WDR49: variants seen among roughly 807,000 people sequenced by gnomAD.
WDR49 encodes WD repeat domain 49.
A neutral mutation model predicts 119.5 loss-of-function variants in WDR49; 107 were observed. That is an observed-to-expected ratio of 0.90 (90% CI 0.77 to 1.05). The LOEUF (loss-of-function observed/expected upper bound fraction) is 1.05. Ranked by LOEUF, WDR49 falls within the 50% of genes least tolerant of loss-of-function variation. The pLI, the probability that WDR49 is intolerant of heterozygous loss-of-function variation, is 0.00. For synonymous variants in WDR49, 425 were observed against 418.8 expected (o/e 1.01, Z -0.18); for missense variants, 1,240 against 1,220.5 (o/e 1.02, Z -0.24).
chr3:167,559,995 A>T (rs1284858884), intron 9 of WDR49, 69 bp downstream of exon 9: 10 of 1,533,074 alleles, frequency 6.5e-6, no homozygotes, highest in Non-Finnish European at 8.8e-6. Context: ...GAATATCTAT[A>T]GCCATGTCTT....
chr3:167,621,558 C>A lies in WDR49; in HGVS notation c.692G>T (p.Gly231Val), dbSNP rs1468567216. 4 of 1,535,494 alleles carry A rather than the reference C, an allele frequency of 2.6e-6. No individual in the cohort carries two copies. Among genetic ancestry groups the A allele is most frequent in the Admixed American group, 2.0e-5 (1 of 50,968 alleles). ...EEFACQYKLQ[G>V]LKGTPICMDY... ...CATGCAAATTGGTGTTCCTTTCAGG[C>A]CTTGGAGTTTGTATTGGCAAGCAAA... The change falls in exon 4 of 19, where the codon GGC becomes GTC. Residue 231 changes from glycine to valine, a missense_variant. Coordinates refer to ENST00000682715, the MANE Select transcript of WDR49 (RefSeq NM_001366157.1).
intron 5 of WDR49, among the ~76,000 whole-genome samples, chr3:167,606,174 T>A (rs1716053880): frequency 6.6e-6 from 1 of 152,192 alleles, no homozygotes. Flanking sequence ...TATTTTATAC[T>A]CTAGAGAGTA....
intron 7 of WDR49, among the ~76,000 whole-genome samples, chr3:167,601,063 TAG>T (rs1715745904): frequency 6.6e-6 from 1 of 151,992 alleles, no homozygotes; most frequent in African/African-American, 2.4e-5. Context: ...AGTCTGAAAA[TAG>T]AGAGATATAT....
chr3:167,519,647 G>A (rs1752355145), intron 16 of WDR49, among the ~76,000 whole-genome samples: 2 of 152,044 alleles, frequency 1.3e-5, no homozygotes, highest in South Asian at 2.1e-4. Flanking sequence ...GGTGGGGGAT[G>A]GGGGAGGGGG....
intron 17 of WDR49, among the ~76,000 whole-genome samples, chr3:167,501,253 G>A (rs879754849): frequency 1.6e-4 from 24 of 152,292 alleles, no homozygotes; most frequent in Admixed American, 4.6e-4. Flanking sequence ...GTAAGGTATC[G>A]TGCCATTAAG....
chr3:167,562,384 A>G (rs758541274), intron 8 of WDR49, among the ~76,000 whole-genome samples: 3 of 152,170 alleles, frequency 2.0e-5, no homozygotes, highest in Non-Finnish European at 4.4e-5. Flanking sequence ...ATGATTTAGC[A>G]ACATGTGTAT....
intron 3 of WDR49, among the ~76,000 whole-genome samples, chr3:167,625,393 T>G (rs1172468708): frequency 4.6e-5 from 7 of 152,028 alleles, no homozygotes; most frequent in Non-Finnish European, 8.8e-5. Context: ...TCAATTATAC[T>G]GATAATAATA....
chr3:167,593,728 C>T (rs867119549), intron 7 of WDR49, among the ~76,000 whole-genome samples: 1 of 152,158 alleles, frequency 6.6e-6, no homozygotes, highest in African/African-American at 2.4e-5. Flanking sequence ...ACTGTCTTGG[C>T]TTATTGGTAG....
chr3:167,565,115 GA>G (rs1713518441), intron 8 of WDR49, among the ~76,000 whole-genome samples: 2 of 152,214 alleles, frequency 1.3e-5, no homozygotes, highest in Admixed American at 6.5e-5. Context: ...AGAGAATGAT[GA>G]TATCTCAGAG....
chr3:167,531,399 A>G, intron 12 of WDR49, 120 bp from the exon 13 acceptor site: 1 of 1,092,586 alleles, frequency 9.2e-7, no homozygotes. Flanking sequence ...GTCTCACAAG[A>G]GACTTCCAGT....
chr3:167,589,125 T>C (rs1714977208), intron 7 of WDR49, among the ~76,000 whole-genome samples: 1 of 152,108 alleles, frequency 6.6e-6, no homozygotes, highest in Non-Finnish European at 1.5e-5. Flanking sequence ...TATGACAAGA[T>C]TTAGGTGTCT....
intron 2 of WDR49, among the ~76,000 whole-genome samples, chr3:167,635,162 C>T (rs1717553233): frequency 6.6e-6 from 1 of 151,756 alleles, no homozygotes; most frequent in African/African-American, 2.4e-5. Flanking sequence ...CATTGCTAAG[C>T]TGTCCAATTA....
chr3:167,511,815 A>G (rs541793424), intron 16 of WDR49, among the ~76,000 whole-genome samples: 2 of 152,322 alleles, frequency 1.3e-5, no homozygotes, highest in East Asian at 3.9e-4. Flanking sequence ...GGAATTCCCC[A>G]CAATGCAGCA....
chr3:167,642,220 C>T (rs1396251599), intron 2 of WDR49, among the ~76,000 whole-genome samples: 1 of 151,820 alleles, frequency 6.6e-6, no homozygotes, highest in African/African-American at 2.4e-5. Context: ...GCTTACACAA[C>T]CACACAGTAA....
intron 2 of WDR49, among the ~76,000 whole-genome samples, chr3:167,645,684 T>C (rs879348631): frequency 1.2e-4 from 18 of 152,174 alleles, no homozygotes; most frequent in Admixed American, 1.1e-3. Flanking sequence ...CTCCACCACC[T>C]TGAAGAATTT....
chr3:167,626,379 T>C (rs1717127902), intron 3 of WDR49, among the ~76,000 whole-genome samples: 1 of 152,046 alleles, frequency 6.6e-6, no homozygotes, highest in African/African-American at 2.4e-5. Flanking sequence ...AGCTCCAACC[T>C]TCCCCATCAA....
chr3:167,638,290 T>A (rs1280201984), intron 2 of WDR49, among the ~76,000 whole-genome samples: 4 of 151,574 alleles, frequency 2.6e-5, no homozygotes, highest in Non-Finnish European at 5.9e-5. Context: ...CTCAAAATTT[T>A]ATTTTCTTCA....
At chr3:167,512,018 C>A (rs531888061) in intron 16 of WDR49, among the ~76,000 whole-genome samples, 3 of 152,312 alleles carry the variant, frequency 2.0e-5, no homozygotes, top group Admixed American at 6.5e-5. Flanking sequence ...TAGACTTAGC[C>A]TTTCCTTCTG....
chr3:167,622,269 G>T (rs184141489), intron 3 of WDR49, among the ~76,000 whole-genome samples: 1 of 152,156 alleles, frequency 6.6e-6, no homozygotes, highest in Non-Finnish European at 1.5e-5. Context: ...GGGTGTGATG[G>T]CTCATGTCTG....
Sources: allele counts gnomAD v4.1 joint callset (sites outside exome capture counted in the v4.1 genomes callset), GRCh38; gene constraint gnomAD v4.1.1; transcripts MANE v1.5; gene names NCBI Gene and HGNC (gene_info 2026-07-23, HGNC 2026-07-21).